CPNE4: variants seen among roughly 807,000 people sequenced by gnomAD.
CPNE4 encodes the protein copine-4.
CPNE4 carries 25 observed loss-of-function variants against 67.9 expected under a neutral mutation model. That is an observed-to-expected ratio of 0.37 (90% CI 0.27 to 0.51). The LOEUF (loss-of-function observed/expected upper bound fraction) is 0.51. CPNE4 is among the 20% of genes least tolerant of loss of function. CPNE4 has a pLI of 0.93. For missense variants in CPNE4, 464 were observed against 690.8 expected, an observed-to-expected ratio of 0.67 and a Z score of 3.68; for synonymous variants, 242 against 244.9, an observed-to-expected ratio of 0.99 and a Z score of 0.11.
At chr3:131,726,724 G>GA (rs1226325056) in intron 2 of CPNE4, among the ~76,000 whole-genome samples, 1 of 126,964 alleles carries the variant, frequency 7.9e-6, no homozygotes. Context: ...AACTGGGGGG[G>GA]GCGGGGGGGC....
chr3:131,642,182 A>G (rs2079558454), intron 7 of CPNE4, among the ~76,000 whole-genome samples: 1 of 152,236 alleles, frequency 6.6e-6, no homozygotes, highest in Non-Finnish European at 1.5e-5. Context: ...AAATTTAAAA[A>G]GACTAAATAG....
intron 2 of CPNE4, among the ~76,000 whole-genome samples, chr3:131,867,575 A>T (rs2087009196): frequency 6.6e-6 from 1 of 152,144 alleles, no homozygotes; most frequent in Non-Finnish European, 1.5e-5. Context: ...TGCAAATGCC[A>T]GTCCCTTGTG....
intron 1 of CPNE4, among the ~76,000 whole-genome samples, chr3:131,944,214 C>CCT (rs1229090658): frequency 6.8e-6 from 1 of 147,266 alleles, no homozygotes; most frequent in Non-Finnish European, 1.5e-5. Flanking sequence ...GAACCTCTTT[C>CCT]CTCTCTCTCT....
At chr3:131,730,956 T>C (rs2082114272) in intron 2 of CPNE4, among the ~76,000 whole-genome samples, 1 of 152,178 alleles carries the variant, frequency 6.6e-6, no homozygotes, top group Admixed American at 6.5e-5. Context: ...ACCATTCTAC[T>C]TAAGAAACAT....
At position 131,676,441 on chromosome 3, in the gene CPNE4, G is replaced by T. The variant is rs115707273; in HGVS notation, c.592-6677C>A. Among the ~76,000 whole-genome samples the T allele has an allele frequency of 2.0e-5, 3 of 152,222 alleles. No individual in the cohort carries two copies. The South Asian group carries it at 6.2e-4, about 32-fold the overall frequency. ...GCAGGTTTGTTACATAAGTAAATGC[G>T]TTGAATGGGGGTTGGTTGTATAGAT... is the stretch of plus-strand genomic sequence containing the variant. On this transcript the variant is annotated intron_variant, in intron 6 of 15. Transcript: ENST00000429747.
In CPNE4 at chr3:131,535,341, A is replaced by G. The variant is rs751124415; in HGVS notation, c.1540-12T>C. The G allele has an allele frequency of 1.9e-6, 3 of 1,607,552 alleles. No homozygotes were observed. The East Asian group carries it at 6.7e-5, about 36-fold the overall frequency. ...GCAGCTGGAGATGCCTGCAGGGAAGAAGAAATCATCATGACGTTGGCTTCT... is the reference window on the plus strand; with the variant it reads ...GCAGCTGGAGATGCCTGCAGGGAAGGAGAAATCATCATGACGTTGGCTTCT... On this transcript the variant is annotated splice_polypyrimidine_tract_variant and intron_variant, in intron 15 of 15. Transcript: ENST00000429747.
chr3:131,570,729 A>G (rs1937295675), intron 10 of CPNE4, among the ~76,000 whole-genome samples: 1 of 152,038 alleles, frequency 6.6e-6, no homozygotes, highest in South Asian at 2.1e-4. Flanking sequence ...TGACCTCCCA[A>G]AATTGCATGC....
chr3:132,010,887 T>C (rs1384336643), intron 1 of CPNE4, among the ~76,000 whole-genome samples: 1 of 152,134 alleles, frequency 6.6e-6, no homozygotes, highest in Non-Finnish European at 1.5e-5. Context: ...AAGAACTTCC[T>C]GGCACATGGC....
At chr3:132,015,555 T>C (rs2073873272) in intron 1 of CPNE4, among the ~76,000 whole-genome samples, 1 of 152,080 alleles carries the variant, frequency 6.6e-6, no homozygotes, top group Non-Finnish European at 1.5e-5. Flanking sequence ...ATATACGATA[T>C]GATGTCAGAA....
At chr3:131,584,290 G>A (rs1302177837) in intron 8 of CPNE4, among the ~76,000 whole-genome samples, 1 of 151,882 alleles carries the variant, frequency 6.6e-6, no homozygotes, top group African/African-American at 2.4e-5. Flanking sequence ...TATATTTACG[G>A]GTAAACCTCT....
At chr3:131,978,231 A>ATTTATATAT (rs1553820871) in intron 1 of CPNE4, among the ~76,000 whole-genome samples, 1 of 14,864 alleles carries the variant, frequency 6.7e-5, no homozygotes, top group Non-Finnish European at 9.2e-5. Context: ...AAATTTACAT[A>ATTTATATAT]TTTATATATA....
At chr3:131,699,765 T>G in intron 4 of CPNE4, 144 bp downstream of exon 4, 1 of 467,364 alleles carries the variant, frequency 2.1e-6, no homozygotes. Flanking sequence ...GAAAGAAAAA[T>G]AAGGGAGTGA....
At chr3:131,561,705 T>A (rs1281972500) in intron 11 of CPNE4, among the ~76,000 whole-genome samples, 1 of 151,988 alleles carries the variant, frequency 6.6e-6, no homozygotes, top group Non-Finnish European at 1.5e-5. Flanking sequence ...GGGGGAACAA[T>A]GCCTTCTGTC....
intron 2 of CPNE4, among the ~76,000 whole-genome samples, chr3:131,807,038 C>T (rs1269318195): frequency 6.6e-6 from 1 of 152,108 alleles, no homozygotes; most frequent in African/African-American, 2.4e-5. Context: ...GGACAAGGGA[C>T]CTGCATTTGT....
At chr3:131,683,400 G>T (rs1296195108) in intron 6 of CPNE4, among the ~76,000 whole-genome samples, 2 of 152,166 alleles carry the variant, frequency 1.3e-5, no homozygotes, top group East Asian at 3.9e-4. Flanking sequence ...TTGGCCCAGG[G>T]TTTGTCTAGA....
chr3:131,907,918 T>C (rs1195246688), intron 1 of CPNE4, among the ~76,000 whole-genome samples: 1 of 152,164 alleles, frequency 6.6e-6, no homozygotes, highest in South Asian at 2.1e-4. Context: ...CTCTATCTTC[T>C]ACCAAAGTGA....
chr3:131,726,503 C>T (rs207463720), intron 2 of CPNE4, among the ~76,000 whole-genome samples: 3 of 152,084 alleles, frequency 2.0e-5, no homozygotes, highest in African/African-American at 7.2e-5. Flanking sequence ...GAAGTGCTTG[C>T]AATAATAAAT....
intron 2 of CPNE4, among the ~76,000 whole-genome samples, chr3:131,758,902 C>T (rs1583152910): frequency 6.6e-6 from 1 of 152,044 alleles, no homozygotes; most frequent in Non-Finnish European, 1.5e-5. Context: ...GTGCCTTTTG[C>T]CTCCCACCAT....
rs1940529986 is a variant in CPNE4 at position 131,622,530 on chromosome 3, A to G, written c.682-34948T>C. Among the ~76,000 whole-genome samples, 3 of 152,332 alleles carry G rather than the reference A, an allele frequency of 2.0e-5. No individual in the cohort carries two copies. The South Asian group carries it at 6.2e-4, about 32-fold the overall frequency. On this transcript the variant is annotated intron_variant, in intron 7 of 15. Coordinates refer to ENST00000429747, the MANE Select transcript of CPNE4 (RefSeq NM_130808.3). ...TGTAGGTTGACAGTCAGTAGCTGAGAGAGACATACTGAAGCAGAGCAGGCA... is the reference window on the plus strand; with the variant it reads ...TGTAGGTTGACAGTCAGTAGCTGAGGGAGACATACTGAAGCAGAGCAGGCA...
Sources: gnomAD v4.1 joint callset for allele counts (sites outside exome capture counted in the v4.1 genomes callset) on GRCh38, gnomAD v4.1.1 for gene constraint, MANE v1.5 for transcripts, NCBI Gene and HGNC (gene_info 2026-07-23, HGNC 2026-07-21) for gene names.